The following PSD3 variants were observed in gnomAD, a reference collection of about 807,000 sequenced individuals.
The protein encoded by PSD3 is pleckstrin and Sec7 domain containing 3.
In PSD3, 49 loss-of-function variants were observed where a neutral mutation model predicts 105.5. The observed-to-expected ratio is 0.46, with a 90% CI of 0.37 to 0.59. The LOEUF (loss-of-function observed/expected upper bound fraction) is 0.59. PSD3 is among the 20% of genes least tolerant of loss of function. The pLI is 0.00. For synonymous variants in PSD3, 557 were observed against 457.8 expected, an observed-to-expected ratio of 1.22 and a Z score of -2.77; for missense variants, 1,561 against 1,263.8, an observed-to-expected ratio of 1.24 and a Z score of -3.57.
intron 8 of PSD3, among the ~76,000 whole-genome samples, chr8:18,796,070 G>A (rs1366355388): frequency 6.6e-6 from 1 of 152,082 alleles, no homozygotes; most frequent in Non-Finnish European, 1.5e-5. Context: ...TTTAATTTAA[G>A]GGAATAAACT....
intron 9 of PSD3, among the ~76,000 whole-genome samples, chr8:18,731,408 C>A (rs1187648787): frequency 6.6e-6 from 1 of 152,138 alleles, no homozygotes; most frequent in African/African-American, 2.4e-5. Context: ...AAGATTCTGC[C>A]AATTAAGAAA....
At chr8:18,667,461 C>A (rs1415462964) in intron 9 of PSD3, among the ~76,000 whole-genome samples, 1 of 152,172 alleles carries the variant, frequency 6.6e-6, no homozygotes, top group African/African-American at 2.4e-5. Flanking sequence ...TGAAGATTCT[C>A]CAAGTCCCCA....
intron 1 of PSD3, among the ~76,000 whole-genome samples, chr8:18,968,324 T>C (rs1038416695): frequency 2.0e-5 from 3 of 152,200 alleles, no homozygotes; most frequent in African/African-American, 7.2e-5. Context: ...CATAAACTTT[T>C]CAAGAAGACT....
At chr8:18,705,133 C>T (rs1437010009) in intron 9 of PSD3, among the ~76,000 whole-genome samples, 1 of 152,124 alleles carries the variant, frequency 6.6e-6, no homozygotes. Context: ...AAAACATCTG[C>T]ATTCATTCTT....
chr8:18,943,042 C>T (rs1016984166), intron 1 of PSD3, among the ~76,000 whole-genome samples: 3 of 152,190 alleles, frequency 2.0e-5, no homozygotes, highest in Admixed American at 6.5e-5. Context: ...TAGCCAAAAA[C>T]AGCGATGTAT....
intron 4 of PSD3, among the ~76,000 whole-genome samples, chr8:18,824,721 GA>G (rs1247980789): frequency 1.3e-5 from 2 of 152,148 alleles, no homozygotes; most frequent in Non-Finnish European, 2.9e-5. Flanking sequence ...GGGAAGCAGT[GA>G]ATAAGAACAG....
At chr8:18,689,913 A>C (rs779486465) in intron 9 of PSD3, among the ~76,000 whole-genome samples, 2 of 152,220 alleles carry the variant, frequency 1.3e-5, no homozygotes, top group African/African-American at 4.8e-5. Flanking sequence ...ACACAGAAAC[A>C]AAGTGACTTG....
intron 1 of PSD3, among the ~76,000 whole-genome samples, chr8:18,947,446 G>C (rs975864971): frequency 1.3e-5 from 2 of 152,168 alleles, no homozygotes; most frequent in Non-Finnish European, 2.9e-5. Flanking sequence ...TTTCCCACCA[G>C]CTGCTCTCTT....
At chr8:19,077,477 C>T (rs2129478195) in intron 1 of PSD3, among the ~76,000 whole-genome samples, 1 of 152,170 alleles carries the variant, frequency 6.6e-6, no homozygotes, top group East Asian at 1.9e-4. Flanking sequence ...AGGTGGACGT[C>T]CTTAAAAAAA....
chr8:18,964,624 A>G (rs1047562463), intron 1 of PSD3, among the ~76,000 whole-genome samples: 1 of 151,938 alleles, frequency 6.6e-6, no homozygotes, highest in Non-Finnish European at 1.5e-5. Flanking sequence ...TGACTTCTTT[A>G]TGGAGAGGCC....
rs115549934 is a variant in PSD3 at position 18,922,390 on chromosome 8, C to T, written c.130+13644G>A. Among the ~76,000 whole-genome samples, 323 of 152,304 alleles carry T rather than the reference C, an allele frequency of 2.1e-3. 1 individual carries two copies. The highest frequency in any genetic ancestry group is 7.4e-3 in the African/African-American group (307 of 41,570). On this transcript the variant is annotated intron_variant, in intron 2 of 15. Transcript: ENST00000327040. ...TTGACCTCAATTACATCTGGTGCAG[C>T]AAGTCTGTGGAGATTAAAGTTCTCA...
At chr8:18,835,812 C>A (rs1814060167) in intron 4 of PSD3, among the ~76,000 whole-genome samples, 1 of 152,172 alleles carries the variant, frequency 6.6e-6, no homozygotes, top group Non-Finnish European at 1.5e-5. Flanking sequence ...GAGGCCAATG[C>A]AACTGAAGCA....
intron 8 of PSD3, among the ~76,000 whole-genome samples, chr8:18,781,874 C>A (rs942718076): frequency 6.6e-6 from 1 of 152,004 alleles, no homozygotes; most frequent in African/African-American, 2.4e-5. Flanking sequence ...CATAAGCTTT[C>A]TTCGTTTTTA....
chr8:18,589,145 C>T (rs1803414671), intron 12 of PSD3, among the ~76,000 whole-genome samples: 1 of 152,156 alleles, frequency 6.6e-6, no homozygotes, highest in African/African-American at 2.4e-5. Flanking sequence ...CATGTACACA[C>T]ATGCTGATCT....
chr8:18,547,002 G>A (rs1181520349), intron 15 of PSD3, among the ~76,000 whole-genome samples: 1 of 152,186 alleles, frequency 6.6e-6, no homozygotes, highest in Non-Finnish European at 1.5e-5. Flanking sequence ...TGCCTTTGGT[G>A]GGTCATCTGG....
intron 1 of PSD3, among the ~76,000 whole-genome samples, chr8:18,968,310 A>G (rs1017255713): frequency 6.6e-6 from 1 of 152,222 alleles, no homozygotes; most frequent in Non-Finnish European, 1.5e-5. Context: ...AGTTTACAGG[A>G]GACCATAAAC....
Position 19,007,078 on chromosome 8 carries a change from A to G in PSD3, c.21+6485T>C, listed in dbSNP as rs991277898. Among the ~76,000 whole-genome samples the G allele has an allele frequency of 2.0e-5, 3 of 151,980 alleles. No homozygotes were observed. In the East Asian group the frequency reaches 5.8e-4, roughly 29 times the overall value. On this transcript the variant is annotated intron_variant, in intron 1 of 15. Transcript: ENST00000327040. Reference sequence around the variant, plus strand: ...GAGACCAGCCTGGCTAACATGGCGAAACCCCGTATCTACTAAAAATACGAA... The same window carrying G: ...GAGACCAGCCTGGCTAACATGGCGAGACCCCGTATCTACTAAAAATACGAA...
chr8:18,986,065 T>G (rs1284155387), intron 1 of PSD3, among the ~76,000 whole-genome samples: 1 of 152,156 alleles, frequency 6.6e-6, no homozygotes, highest in African/African-American at 2.4e-5. Flanking sequence ...ACACATTGGA[T>G]AATGATGTAA....
At chr8:18,612,313 A>C (rs1805323245) in intron 11 of PSD3, among the ~76,000 whole-genome samples, 1 of 152,062 alleles carries the variant, frequency 6.6e-6, no homozygotes, top group Non-Finnish European at 1.5e-5. Context: ...CATTTCATTC[A>C]TGTATTCGGA....
Sources: allele counts gnomAD v4.1 joint callset (sites outside exome capture counted in the v4.1 genomes callset), GRCh38; gene constraint gnomAD v4.1.1; transcripts MANE v1.5; gene names NCBI Gene and HGNC (gene_info 2026-07-23, HGNC 2026-07-21).